Variants in SLC25A24 observed in about 807,000 individuals in gnomAD.
SLC25A24 encodes the protein solute carrier family 25 member 24.
In SLC25A24, 49 loss-of-function variants were observed where a neutral mutation model predicts 60.7. That is an observed-to-expected ratio of 0.81 (90% confidence interval 0.64 to 1.02). SLC25A24 has a LOEUF of 1.02. Ranked by LOEUF, SLC25A24 falls within the 50% of genes least tolerant of loss-of-function variation. The pLI, the probability that SLC25A24 is intolerant of heterozygous loss-of-function variation, is 0.00. For synonymous variants in SLC25A24, 202 were observed against 200.6 expected, an observed-to-expected ratio of 1.01 and a Z score of -0.06; for missense variants, 564 against 586.3, an observed-to-expected ratio of 0.96 and a Z score of 0.39.
At chr1:108,192,620 A>G (rs1571311866) in intron 1 of SLC25A24, 2 of 1,494,952 alleles carry the variant, frequency 1.3e-6, no homozygotes. Flanking sequence ...GAGGGAGTCC[A>G]TCGAGGATGT....
intron 3 of SLC25A24, among the ~76,000 whole-genome samples, chr1:108,178,035 C>T (rs537212293): frequency 7.9e-5 from 12 of 152,056 alleles, no homozygotes; most frequent in South Asian, 2.1e-4. Flanking sequence ...TGGTGGCATG[C>T]GCCTGTAGTC....
intron 4 of SLC25A24, among the ~76,000 whole-genome samples, chr1:108,160,252 G>A (rs1307239155): frequency 2.0e-5 from 3 of 151,124 alleles, no homozygotes; most frequent in Admixed American, 6.6e-5. Context: ...CGGCGGGGCA[G>A]AGGCGCTCCC....
chr1:108,136,939 G>A (rs1312622379), intron 9 of SLC25A24, 102 bp from the exon 10 acceptor site: 1 of 1,118,764 alleles, frequency 8.9e-7, no homozygotes, highest in Non-Finnish European at 1.3e-6. Flanking sequence ...TACAGTAAAA[G>A]GACAACATTT....
Position 108,143,570 on chromosome 1 carries a change from A to G in SLC25A24, c.1071T>C (p.Tyr357=), listed in dbSNP as rs1679505690. The change falls in exon 8 of 10, where the codon TAT becomes TAC. Residue 357 remains tyrosine, a synonymous_variant. Transcript: ENST00000565488. ...CATACACAGCAAGATCTATGCCTGC[A>G]TAAGGTATGATACCTAATAAATTGG... The part of the protein sequence containing the change: ...YVPNLLGIIP[Y]AGIDLAVYEL... 3 of 1,613,254 alleles carry G rather than the reference A, an allele frequency of 1.9e-6. No individual in the cohort carries two copies. The highest frequency in any genetic ancestry group is 4.5e-5 in the East Asian group (2 of 44,862).
In SLC25A24 at chr1:108,143,609, G is replaced by GCT; in HGVS notation, c.1031_1032insAG (p.Tyr344Ter). 1 of 1,613,594 alleles carries GCT rather than the reference G, an allele frequency of 6.2e-7. No homozygotes were observed. The highest frequency in any genetic ancestry group is 1.3e-5 in the African/African-American group (1 of 75,012). ...CTAATAAATTGGGAACATAGCCTTTGTAAAAAGCTCCCAAGCCTTCATGTT... is the reference window on the plus strand; with the variant it reads ...CTAATAAATTGGGAACATAGCCTTTGCTTAAAAAGCTCCCAAGCCTTCATGTT... ...ILKHEGLGAF[Y>*]KGYVPNLLGI... Residue 344 changes from tyrosine to a stop codon, truncating the protein, a stop_gained and frameshift_variant, in exon 8 of 10, where the codon TAC (tyrosine) becomes TAAGC (stop). Coordinates refer to ENST00000565488, the MANE Select transcript of SLC25A24 (RefSeq NM_013386.5). LOFTEE classifies it high-confidence loss of function.
chr1:108,198,873 G>C lies in SLC25A24; in HGVS notation c.183+1083C>G, dbSNP rs549928417. On this transcript the variant is annotated intron_variant, in intron 1 of 9. Transcript: ENST00000565488. ...CCAGCCAATGATTGGACATGGTGGG[G>C]AACTCCAACTGGGCCATTTCTGGGA... The C allele has an allele frequency of 2.6e-5, 4 of 152,320 alleles. No homozygotes were observed. In the East Asian group the frequency reaches 7.7e-4, roughly 29 times the overall value. The allele number at this position is 152,320 out of a possible 1,614,324, so 9.4% of individuals were successfully genotyped here. A position where few individuals can be genotyped will look rare whatever the true frequency, so the allele number is the denominator to read the frequency against.
intron 1 of SLC25A24, among the ~76,000 whole-genome samples, chr1:108,188,692 G>T (rs571191839): frequency 3.3e-4 from 50 of 152,314 alleles, no homozygotes; most frequent in Middle Eastern, 3.4e-3. Context: ...TGACCCACAA[G>T]AAGACAGGAG....
chr1:108,173,740 C>T (rs1647566794), intron 3 of SLC25A24, among the ~76,000 whole-genome samples: 1 of 152,172 alleles, frequency 6.6e-6, no homozygotes, highest in South Asian at 2.1e-4. Flanking sequence ...TTGTAAGTTC[C>T]CAGAGACTTG....
chr1:108,183,426 T>C (rs1212566340), intron 2 of SLC25A24, among the ~76,000 whole-genome samples: 1 of 152,266 alleles, frequency 6.6e-6, no homozygotes, highest in Admixed American at 6.5e-5. Context: ...TCTATATTCA[T>C]TGCAAACACT....
Position 108,135,177 on chromosome 1 carries a change from ATAT to A in SLC25A24, c.*1473_*1475del, listed in dbSNP as rs1434861670. ...CTAAAAGTAGAATCCCAGGCTTATC[ATAT>A]TATAAAAATACTGAGACATTTATCA... On this transcript the variant is annotated 3_prime_UTR_variant, in exon 10 of 10. Coordinates refer to ENST00000565488, the MANE Select transcript of SLC25A24 (RefSeq NM_013386.5). 7.2e-5 allele frequency: 11 copies of A among 152,722 alleles called. No homozygotes were observed. Among genetic ancestry groups the A allele is most frequent in the African/African-American group, 2.6e-4 (11 of 41,580 alleles). 9.5% of individuals were successfully genotyped at this position (152,722 alleles called of 1,614,324 possible). A position where few individuals can be genotyped will look rare whatever the true frequency, so the allele number is the denominator to read the frequency against.
intron 4 of SLC25A24, among the ~76,000 whole-genome samples, chr1:108,158,920 G>A (rs960832608): frequency 1.3e-5 from 2 of 152,016 alleles, no homozygotes; most frequent in Non-Finnish European, 2.9e-5. Flanking sequence ...GGAGAATGGC[G>A]TGAACCCCGG....
chr1:108,142,411 T>C (rs1182438090), intron 8 of SLC25A24, among the ~76,000 whole-genome samples: 2 of 152,232 alleles, frequency 1.3e-5, no homozygotes, highest in African/African-American at 2.4e-5. Flanking sequence ...ATGTGGTATA[T>C]ACACATAACG....
chr1:108,159,942 G>A lies in SLC25A24; in HGVS notation c.510+1240C>T, dbSNP rs377124694. Among the ~76,000 whole-genome samples, 68 of 151,752 alleles carry A rather than the reference G, an allele frequency of 4.5e-4. No homozygotes were observed. The East Asian group carries it at 5.8e-3, about 13-fold the overall frequency. ...TCCCCTTTTTCTATTCCACAAAACC[G>A]CCATTGTCATCATGGCCCGTTCTCA... On this transcript the variant is annotated intron_variant, in intron 4 of 9. Transcript: ENST00000565488.
rs199900193 is a variant in SLC25A24, at chr1:108,172,123, T to TA, written c.398+9817dup. On this transcript the variant is annotated intron_variant, in intron 3 of 9. Transcript: ENST00000565488. ...GGGAAATGAGATGGAGACAAAAGCC[T>TA]AAAAGAAAAATGAGAGCAGAAGATA... Among the ~76,000 whole-genome samples the TA allele has an allele frequency of 8.6e-3, 1,305 of 152,180 alleles. 59 individuals are homozygous for TA. Among genetic ancestry groups the TA allele is most frequent in the Admixed American group, 0.075 (1,150 of 15,280 alleles).
At chr1:108,163,946 A>G (rs570888360) in intron 3 of SLC25A24, among the ~76,000 whole-genome samples, 1 of 152,314 alleles carries the variant, frequency 6.6e-6, no homozygotes, top group South Asian at 2.1e-4. Context: ...GATAGCTGTT[A>G]TTATTTTGAG....
chr1:108,189,606 G>A (rs190798412), intron 1 of SLC25A24, among the ~76,000 whole-genome samples: 66 of 152,262 alleles, frequency 4.3e-4, no homozygotes, highest in Middle Eastern at 3.4e-3. Flanking sequence ...CTTGAGGTCA[G>A]AAGTACAAGA....
intron 1 of SLC25A24, among the ~76,000 whole-genome samples, chr1:108,189,814 C>CAAAAAAAAAAAA (rs34977169): frequency 9.4e-6 from 1 of 106,504 alleles, no homozygotes; most frequent in Non-Finnish European, 2.0e-5. Flanking sequence ...GACTCCATCT[C>CAAAAAAAAAAAA]AAAAAAAAAA....
intron 3 of SLC25A24, among the ~76,000 whole-genome samples, chr1:108,172,340 G>A (rs1326867979): frequency 2.6e-5 from 4 of 152,060 alleles, no homozygotes; most frequent in Admixed American, 1.3e-4. Flanking sequence ...TGTTTTAAAC[G>A]AACACCTGAG....
rs2101592496 is a variant in SLC25A24 at position 108,136,668 on chromosome 1, T to C, written c.1419A>G (p.Gly473=). 1 of 1,613,574 alleles carries C rather than the reference T, an allele frequency of 6.2e-7. No homozygotes were observed. Among genetic ancestry groups the C allele is most frequent in the African/African-American group, 1.3e-5 (1 of 75,052 alleles). The stretch of plus-strand genomic sequence containing the variant: ...AAATGCAACATCATTTCTGGGTTAC[T>C]CCTAAAGTTTGCTTCATATTTTCAT... ...VVYENMKQTL[G]VTQK The change falls in exon 10 of 10, where the codon GGA becomes GGG. Residue 473 remains glycine (G), a synonymous_variant. Transcript: ENST00000565488.
Sources: allele counts gnomAD v4.1 joint callset (sites outside exome capture counted in the v4.1 genomes callset), GRCh38; gene constraint gnomAD v4.1.1; transcripts MANE v1.5; gene names NCBI Gene and HGNC (gene_info 2026-07-23, HGNC 2026-07-21).